The following UBE2E3 variants were observed in gnomAD, a reference collection of about 807,000 sequenced individuals.
The protein encoded by UBE2E3 is ubiquitin conjugating enzyme E2 E3.
UBE2E3 carries 5 observed loss-of-function variants against 23.6 expected under a neutral mutation model. That is an observed-to-expected ratio of 0.21 (90% CI 0.11 to 0.44). The LOEUF is 0.44. Ranked by LOEUF, UBE2E3 falls within the 20% of genes least tolerant of loss-of-function variation. The pLI is 0.99. For synonymous variants in UBE2E3, 78 were observed against 87.5 expected, an observed-to-expected ratio of 0.89 and a Z score of 0.60; for missense variants, 81 against 249.8, an observed-to-expected ratio of 0.32 and a Z score of 4.55.
chr2:181,059,693 A>G (rs956658929), intron 4 of UBE2E3, among the ~76,000 whole-genome samples: 1 of 151,672 alleles, frequency 6.6e-6, no homozygotes, highest in African/African-American at 2.4e-5. Flanking sequence ...AGAGCTGTAT[A>G]TGCACATGTA....
At chr2:181,007,445 A>G (rs903621467) in intron 3 of UBE2E3, among the ~76,000 whole-genome samples, 1 of 151,872 alleles carries the variant, frequency 6.6e-6, no homozygotes, top group Non-Finnish European at 1.5e-5. Context: ...AGTAGACTGG[A>G]CTCCGGAAAA....
chr2:181,010,665 A>G (rs542639644), intron 3 of UBE2E3, among the ~76,000 whole-genome samples: 25 of 152,286 alleles, frequency 1.6e-4, no homozygotes, highest in African/African-American at 6.0e-4. Context: ...CTACATTTGT[A>G]TAAACAGTGT....
chr2:180,986,217 T>C (rs1164580678), intron 3 of UBE2E3, among the ~76,000 whole-genome samples: 1 of 152,128 alleles, frequency 6.6e-6, no homozygotes, highest in Non-Finnish European at 1.5e-5. Flanking sequence ...CAGGTTCTTT[T>C]AATAGATGAG....
chr2:181,042,462 T>A (rs1201224088), intron 3 of UBE2E3, among the ~76,000 whole-genome samples: 1 of 152,214 alleles, frequency 6.6e-6, no homozygotes, highest in Non-Finnish European at 1.5e-5. Context: ...GAAGTCCTTC[T>A]ATTTATTAAT....
intron 3 of UBE2E3, among the ~76,000 whole-genome samples, chr2:181,001,200 GCTC>G (rs1684978934): frequency 6.6e-6 from 1 of 152,144 alleles, no homozygotes; most frequent in Non-Finnish European, 1.5e-5. Context: ...TTCCTTTAAA[GCTC>G]TAGTGTTTTA....
intron 3 of UBE2E3, among the ~76,000 whole-genome samples, chr2:180,989,247 A>G (rs1299973161): frequency 1.3e-5 from 2 of 152,112 alleles, no homozygotes; most frequent in African/African-American, 4.8e-5. Context: ...ATGCTGTATT[A>G]TAATATTTGT....
intron 3 of UBE2E3, among the ~76,000 whole-genome samples, chr2:181,001,655 A>G (rs1684994451): frequency 6.6e-6 from 1 of 152,214 alleles, no homozygotes; most frequent in Non-Finnish European, 1.5e-5. Context: ...GGATTCTTAC[A>G]TGTAAAGGCC....
chr2:181,004,739 A>G (rs1396869355), intron 3 of UBE2E3, among the ~76,000 whole-genome samples: 1 of 152,370 alleles, frequency 6.6e-6, no homozygotes, highest in East Asian at 1.9e-4. Context: ...TGCTTACAGC[A>G]TGTTTCTTTT....
intron 3 of UBE2E3, among the ~76,000 whole-genome samples, chr2:181,019,816 C>A (rs1278718720): frequency 2.0e-5 from 3 of 151,968 alleles, no homozygotes; most frequent in African/African-American, 4.8e-5. Context: ...TACATACTTA[C>A]CATTTTCTTT....
intron 3 of UBE2E3, among the ~76,000 whole-genome samples, chr2:181,032,224 T>C (rs531785597): frequency 6.6e-6 from 1 of 152,222 alleles, no homozygotes. Flanking sequence ...AAAGCGAACA[T>C]CATTATTTCA....
chr2:181,045,854 A>G (rs976693883), intron 3 of UBE2E3, among the ~76,000 whole-genome samples: 2 of 152,132 alleles, frequency 1.3e-5, no homozygotes, highest in Middle Eastern at 3.4e-3. Flanking sequence ...GGGAATATAC[A>G]CATACCCTTG....
chr2:181,050,835 GTTCT>G (rs1321613240), intron 3 of UBE2E3, among the ~76,000 whole-genome samples: 2 of 151,812 alleles, frequency 1.3e-5, no homozygotes, highest in African/African-American at 4.8e-5. Flanking sequence ...TCCATAAAAT[GTTCT>G]TTCTTTCTTT....
chr2:181,056,564 G>A (rs975903035), intron 3 of UBE2E3, among the ~76,000 whole-genome samples: 2 of 151,710 alleles, frequency 1.3e-5, no homozygotes, highest in Non-Finnish European at 2.9e-5. Flanking sequence ...ATTCTTGCTA[G>A]AGTGAGGACT....
rs71029902 is a variant in UBE2E3, at chr2:181,060,861, CTTTTTTTTTTTT to C, written c.526+65_526+76del. On this transcript the variant is annotated intron_variant, in intron 5 of 5. Transcript: ENST00000410062. ...TACAATAAGACTACAAAAACGAGTG[CTTTTTTTTTTTT>C]TTTTTTTTTTTTTTTAGTTAGCTTT... 2.7e-3 allele frequency: 660 copies of C among 248,618 alleles called. 3 individuals carry two copies. The highest frequency in any genetic ancestry group is 3.0e-3 in the Non-Finnish European group (543 of 180,634). The allele number at this position is 248,618 out of a possible 1,614,324, so 15.4% of individuals were successfully genotyped here. A position where few individuals can be genotyped will look rare whatever the true frequency, so the allele number is the denominator to read the frequency against.
intron 3 of UBE2E3, among the ~76,000 whole-genome samples, chr2:180,985,436 T>C (rs1684429817): frequency 6.6e-6 from 1 of 152,148 alleles, no homozygotes; most frequent in Non-Finnish European, 1.5e-5. Flanking sequence ...TAAAAAAAGT[T>C]CATTAATATT....
At chr2:181,016,692 G>A (rs190718579) in intron 3 of UBE2E3, among the ~76,000 whole-genome samples, 56 of 152,198 alleles carry the variant, frequency 3.7e-4, no homozygotes, top group African/African-American at 1.3e-3. Flanking sequence ...AACAACTGTC[G>A]CCCTATCAGT....
At chr2:180,986,661 C>T (rs1414082991) in intron 3 of UBE2E3, among the ~76,000 whole-genome samples, 4 of 151,970 alleles carry the variant, frequency 2.6e-5, no homozygotes, top group African/African-American at 9.7e-5. Context: ...TTCATATTGC[C>T]TGAGATCTAT....
intron 3 of UBE2E3, among the ~76,000 whole-genome samples, chr2:181,015,606 A>T (rs959116039): frequency 3.9e-5 from 6 of 152,206 alleles, no homozygotes; most frequent in African/African-American, 1.4e-4. Context: ...TAAAGGTAAG[A>T]TGATTTTTTA....
At chr2:181,048,723 A>G (rs183150692) in intron 3 of UBE2E3, among the ~76,000 whole-genome samples, 16 of 152,196 alleles carry the variant, frequency 1.1e-4, no homozygotes, top group South Asian at 2.1e-4. Flanking sequence ...CTAAATAAAT[A>G]TGATTCTTTC....
Sources: gnomAD v4.1 joint callset for allele counts (sites outside exome capture counted in the v4.1 genomes callset) on GRCh38, gnomAD v4.1.1 for gene constraint, MANE v1.5 for transcripts, NCBI Gene and HGNC (gene_info 2026-07-23, HGNC 2026-07-21) for gene names.